The following POLR3B variants were observed in gnomAD, a reference collection of about 807,000 sequenced individuals.
POLR3B encodes the protein DNA-directed RNA polymerase III subunit RPC2.
A neutral mutation model predicts 147.4 loss-of-function variants in POLR3B; 96 were observed. That is an observed-to-expected ratio of 0.65 (90% confidence interval 0.55 to 0.77). The LOEUF (loss-of-function observed/expected upper bound fraction) is 0.77, where lower values mean the gene tolerates loss of function less well. Among genes scored for constraint, POLR3B ranks in the 30% least tolerant of loss-of-function variants. The probability of loss-of-function intolerance (pLI) is 0.00; values close to 1 mark genes in which losing one functional copy is unlikely to be tolerated. For synonymous variants in POLR3B, 461 were observed against 485.9 expected (o/e 0.95, Z 0.67); for missense variants, 1,036 against 1,413.5 (o/e 0.73, Z 4.28).
At chr12:106,440,533 A>G (rs2037636078) in intron 18 of POLR3B, among the ~76,000 whole-genome samples, 1 of 151,186 alleles carries the variant, frequency 6.6e-6, no homozygotes, top group Non-Finnish European at 1.5e-5. Context: ...TTCTCCAAAC[A>G]CTCCAGGCGT....
chr12:106,430,245 T>A, intron 13 of POLR3B, 28 bp from the exon 14 acceptor site: 1 of 1,566,952 alleles, frequency 6.4e-7, no homozygotes, highest in Non-Finnish European at 8.8e-7. Flanking sequence ...GGGTTAGGAA[T>A]AGTCTTATGT....
At chr12:106,382,218 T>TG (rs1298918237) in intron 9 of POLR3B, among the ~76,000 whole-genome samples, 1 of 152,218 alleles carries the variant, frequency 6.6e-6, no homozygotes, top group East Asian at 1.9e-4. Flanking sequence ...GGAGTCACTG[T>TG]GGGTCGAACA....
chr12:106,401,635 C>T (rs7298681), intron 10 of POLR3B, among the ~76,000 whole-genome samples: 1 of 151,620 alleles, frequency 6.6e-6, no homozygotes, highest in Non-Finnish European at 1.5e-5. Flanking sequence ...GACTTCATCC[C>T]TGGGATGCAA....
intron 17 of POLR3B, among the ~76,000 whole-genome samples, 171 bp from the exon 18 acceptor site, chr12:106,437,510 T>C (rs1334654291): frequency 6.6e-6 from 1 of 152,190 alleles, no homozygotes; most frequent in Non-Finnish European, 1.5e-5. Context: ...CAGCAGTTTG[T>C]GGTTACTGTG....
At chr12:106,406,228 T>C (rs1429250659) in intron 11 of POLR3B, among the ~76,000 whole-genome samples, 2 of 152,204 alleles carry the variant, frequency 1.3e-5, no homozygotes, top group African/African-American at 4.8e-5. Flanking sequence ...ATTGTTATTT[T>C]ATATTCATAC....
chr12:106,360,436 G>C (rs2036454885), intron 1 of POLR3B, among the ~76,000 whole-genome samples: 1 of 152,086 alleles, frequency 6.6e-6, no homozygotes, highest in Admixed American at 6.6e-5. Context: ...CCTATTTGTA[G>C]ATTAAATCCC....
At chr12:106,467,894 G>C (rs1267155194) in intron 23 of POLR3B, among the ~76,000 whole-genome samples, 1 of 152,106 alleles carries the variant, frequency 6.6e-6, no homozygotes, top group Non-Finnish European at 1.5e-5. Context: ...TGTTCATCAG[G>C]GATATTGGCC....
At chr12:106,503,931 A>G (rs1204435831) in intron 26 of POLR3B, 150 bp from the exon 27 acceptor site, 2 of 715,764 alleles carry the variant, frequency 2.8e-6, no homozygotes, top group Admixed American at 2.1e-5. Flanking sequence ...AAATGAGGCT[A>G]AGCAGCGTGT....
intron 23 of POLR3B, among the ~76,000 whole-genome samples, chr12:106,464,391 AT>A (rs1209594125): frequency 6.6e-6 from 1 of 152,078 alleles, no homozygotes; most frequent in African/African-American, 2.4e-5. Flanking sequence ...GACTCATTTG[AT>A]TCTCACACAA....
At chr12:106,391,872 AACACTAACTACAC>A (rs2036919078) in intron 9 of POLR3B, among the ~76,000 whole-genome samples, 1 of 152,210 alleles carries the variant, frequency 6.6e-6, no homozygotes, top group Admixed American at 6.5e-5. Flanking sequence ...CTAGGGCATC[AACACTAACTACAC>A]AATTATCCTC....
intron 13 of POLR3B, among the ~76,000 whole-genome samples, chr12:106,430,048 G>A (rs2037486783): frequency 6.6e-6 from 1 of 152,204 alleles, no homozygotes; most frequent in Admixed American, 6.5e-5. Flanking sequence ...ATAATTCTGA[G>A]ATGGTTGCTA....
intron 18 of POLR3B, among the ~76,000 whole-genome samples, chr12:106,441,524 A>G (rs546652845): frequency 2.6e-5 from 4 of 152,320 alleles, no homozygotes; most frequent in East Asian, 1.9e-4. Context: ...AGGTATAGTA[A>G]AAATGCAGTA....
rs201822852 is a variant in POLR3B at position 106,393,078 on chromosome 12, A to G, written c.771A>G (p.Thr257=). 1.9e-5 allele frequency: 30 copies of G among 1,614,234 alleles called. No homozygotes were observed. In the South Asian group the frequency reaches 2.9e-4, roughly 15 times the overall value. The part of the protein sequence containing the change: ...SDQEIVQMIG[T]EEHVMAAFGP... ...AGGAAATTGTGCAGATGATTGGAAC[A>G]GAGGAGCACGTGATGGCTGCATTTG... Residue 257 remains threonine, a synonymous_variant, in exon 10 of 28, where the codon ACA becomes ACG. Coordinates refer to ENST00000228347, the MANE Select transcript of POLR3B (RefSeq NM_018082.6).
Position 106,366,513 on chromosome 12 carries a change from T to G in POLR3B, c.106-3T>G, listed in dbSNP as rs368216350. ...TGTTTACTTTCTCTTTCTATCTGTT[T>G]AGGTGAAAGGCCTTGTGAAACAGCA... On this transcript the variant is annotated splice_polypyrimidine_tract_variant and splice_region_variant and intron_variant, in intron 2 of 27. Transcript: ENST00000228347. The G allele has an allele frequency of 6.2e-7, 1 of 1,602,520 alleles. No individual in the cohort carries two copies. The highest frequency in any genetic ancestry group is 8.5e-7 in the Non-Finnish European group (1 of 1,170,410).
chr12:106,464,170 C>A (rs1483316355), intron 23 of POLR3B, among the ~76,000 whole-genome samples: 2 of 152,172 alleles, frequency 1.3e-5, no homozygotes, highest in African/African-American at 4.8e-5. Context: ...GTGTGTCTTA[C>A]ATCTAATCCC....
chr12:106,455,513 G>A (rs979918719), intron 20 of POLR3B, among the ~76,000 whole-genome samples: 3 of 152,106 alleles, frequency 2.0e-5, no homozygotes, highest in South Asian at 2.1e-4. Flanking sequence ...AACTGGTAAC[G>A]TTTATGTGGA....
intron 22 of POLR3B, among the ~76,000 whole-genome samples, chr12:106,461,473 C>A (rs1281055631): frequency 6.6e-6 from 1 of 152,012 alleles, no homozygotes; most frequent in Non-Finnish European, 1.5e-5. Context: ...ACCAGCAGTC[C>A]CTGTCTTTGT....
At chr12:106,393,360 C>T (rs750912309) in intron 10 of POLR3B, among the ~76,000 whole-genome samples, 12 of 151,866 alleles carry the variant, frequency 7.9e-5, no homozygotes, top group Non-Finnish European at 1.5e-4. Flanking sequence ...GCCTATGGTG[C>T]CCGACTTAGA....
intron 18 of POLR3B, among the ~76,000 whole-genome samples, chr12:106,440,212 T>A (rs1490282952): frequency 6.6e-6 from 1 of 152,224 alleles, no homozygotes; most frequent in Non-Finnish European, 1.5e-5. Context: ...CATCAATCCC[T>A]AGCTCATCAC....
Sources: gnomAD v4.1 joint callset for allele counts (sites outside exome capture counted in the v4.1 genomes callset) on GRCh38, gnomAD v4.1.1 for gene constraint, MANE v1.5 for transcripts, NCBI Gene and HGNC (gene_info 2026-07-23, HGNC 2026-07-21) for gene names.